Variants in SIDT1 observed in about 807,000 individuals in gnomAD.
SIDT1 encodes the protein SID1 transmembrane family member 1, also known as SID1 transmembrane family, member 1.
Under a neutral mutation model 107.5 loss-of-function variants are expected in SIDT1, and 101 were observed. That is an observed-to-expected ratio of 0.94 (90% CI 0.80 to 1.11). The LOEUF is 1.11. Among genes scored for constraint, SIDT1 ranks in the 50% least tolerant of loss-of-function variants. The pLI, the probability that SIDT1 is intolerant of heterozygous loss-of-function variation, is 0.00. For synonymous variants in SIDT1, 395 were observed against 398.2 expected, an observed-to-expected ratio of 0.99 and a Z score of 0.10; for missense variants, 1,076 against 1,058.2, an observed-to-expected ratio of 1.02 and a Z score of -0.23.
chr3:113,627,029 G>A (rs1467720114), intron 24 of SIDT1, among the ~76,000 whole-genome samples: 5 of 152,116 alleles, frequency 3.3e-5, no homozygotes, highest in East Asian at 1.9e-4. Context: ...ACTTTTGATC[G>A]TCACCTTCAT....
intron 21 of SIDT1, among the ~76,000 whole-genome samples, chr3:113,622,833 T>C (rs897395994): frequency 3.9e-5 from 6 of 152,174 alleles, no homozygotes; most frequent in African/African-American, 1.4e-4. Context: ...TGCATTCAGT[T>C]ATGGGAACTT....
In SIDT1 at chr3:113,533,153, G is replaced by A. The variant is rs1251404300; in HGVS notation, c.132G>A (p.Arg44=). The stretch of plus-strand genomic sequence containing the variant: ...GCCGCGACCCCTTCGACGCTGCCAG[G>A]GGCGCCGATTTCGATCATGTCTACA... ...APRRDPFDAA[R]GADFDHVYSG... is the part of the protein sequence containing the mutation. The change falls in exon 1 of 25, where the codon AGG becomes AGA. Residue 44 remains arginine (R), a synonymous_variant. Transcript: ENST00000264852. 1 of 1,576,840 alleles carries A rather than the reference G, an allele frequency of 6.3e-7. No individual in the cohort carries two copies.
Position 113,612,186 on chromosome 3 carries a change from T to G in SIDT1, c.1958T>G (p.Phe653Cys). 1.9e-6 allele frequency: 3 copies of G among 1,609,978 alleles called. No homozygotes were observed. Among genetic ancestry groups the G allele is most frequent in the Non-Finnish European group, 2.6e-6 (3 of 1,176,144 alleles). Reference sequence around the variant, plus strand: ...ACCCAGATATATTATATGGGTCGTTTCAAGATAGGTGAGTCACCTGTTAAT... The same window carrying G: ...ACCCAGATATATTATATGGGTCGTTGCAAGATAGGTGAGTCACCTGTTAAT... ...LSTQIYYMGRFKIDLGIFRRA... is the reference protein window; with the variant it reads ...LSTQIYYMGRCKIDLGIFRRA... The change falls in exon 19 of 25, where the codon TTC becomes TGC. Residue 653 changes from phenylalanine (F) to cysteine (C), a missense_variant. By Grantham distance (205) the Phe-to-Cys change is radical (BLOSUM62 -2). Coordinates refer to ENST00000264852, the MANE Select transcript of SIDT1 (RefSeq NM_017699.3).
intron 1 of SIDT1, among the ~76,000 whole-genome samples, chr3:113,538,018 C>T (rs996647519): frequency 7.9e-5 from 12 of 152,034 alleles, no homozygotes; most frequent in African/African-American, 2.4e-4. Flanking sequence ...CCTGGCCTCA[C>T]GTGATCCACC....
the SIDT1 span, among the ~76,000 whole-genome samples, chr3:113,636,506 C>T: frequency 2.2e-4 from 34 of 152,202 alleles, no homozygotes; most frequent in African/African-American, 7.9e-4. Flanking sequence ...ACCATGAATT[C>T]CCAGAAACTT....
intron 1 of SIDT1, among the ~76,000 whole-genome samples, chr3:113,539,293 C>T (rs1460070608): frequency 6.6e-6 from 1 of 152,088 alleles, no homozygotes; most frequent in South Asian, 2.1e-4. Context: ...AATTGTTCAT[C>T]TTTGGCCAGT....
Position 113,545,114 on chromosome 3 carries a change from T to TAAAAAA in SIDT1, c.222+11893_222+11898dup, listed in dbSNP as rs554009768. On this transcript the variant is annotated intron_variant, in intron 1 of 24. Transcript: ENST00000264852. ...CGGGCGACAGAGCGAGAGACTCTGT[T>TAAAAAA]AAAAAAAAAAAAAAAAAAAAAAAAA... 1.4e-3 allele frequency among the ~76,000 whole-genome samples: 107 copies of TAAAAAA among 73,962 alleles called. 4 individuals are homozygous for TAAAAAA. The highest frequency in any genetic ancestry group is 5.8e-3 in the African/African-American group (100 of 17,200). The allele number at this position is 73,962 out of a possible 152,430, so 48.5% of individuals were successfully genotyped here. A position where few individuals can be genotyped will look rare whatever the true frequency, so the allele number is the denominator to read the frequency against.
In SIDT1 at chr3:113,616,020, C is replaced by T. The variant is rs115317412; in HGVS notation, c.1967-80C>T. 6.5e-4 allele frequency: 598 copies of T among 918,840 alleles called. 2 individuals carry two copies. In the African/African-American group the frequency reaches 8.2e-3, roughly 13 times the overall value. 56.9% of individuals were successfully genotyped at this position (918,840 alleles called of 1,614,324 possible). A position where few individuals can be genotyped will look rare whatever the true frequency, so the allele number is the denominator to read the frequency against. ...TGAAGTGAGGATGACATCATTCTGG[C>T]TCCAAAACCTTGGGCCACTTCAGAG... On this transcript the variant is annotated intron_variant, in intron 19 of 24. Coordinates refer to ENST00000264852, the MANE Select transcript of SIDT1 (RefSeq NM_017699.3).
At chr3:113,587,623 G>A (rs1943838534) in intron 9 of SIDT1, among the ~76,000 whole-genome samples, 1 of 152,190 alleles carries the variant, frequency 6.6e-6, no homozygotes, top group African/African-American at 2.4e-5. Flanking sequence ...GGTTCCATTT[G>A]CCTTTCATGG....
At chr3:113,561,769 G>T (rs1941450867) in intron 1 of SIDT1, among the ~76,000 whole-genome samples, 1 of 152,134 alleles carries the variant, frequency 6.6e-6, no homozygotes, top group Non-Finnish European at 1.5e-5. Context: ...TGAGGGATTT[G>T]CTTTGCTAAA....
intron 10 of SIDT1, 178 bp from the exon 11 acceptor site, chr3:113,601,410 G>A (rs1445538259): frequency 7.9e-6 from 4 of 504,460 alleles, no homozygotes; most frequent in Admixed American, 3.7e-5. Context: ...GAGCCATACA[G>A]AAACAGGTGG....
intron 16 of SIDT1, 43 bp downstream of exon 16, chr3:113,608,260 A>T (rs1945482822): frequency 5.1e-6 from 8 of 1,558,596 alleles, no homozygotes; most frequent in Non-Finnish European, 7.0e-6. Context: ...TTATGGATCC[A>T]AACAGGATCT....
At chr3:113,597,495 CAAAAAAA>C (rs60934363) in intron 10 of SIDT1, among the ~76,000 whole-genome samples, 2 of 109,532 alleles carry the variant, frequency 1.8e-5, no homozygotes, top group African/African-American at 7.4e-5. Flanking sequence ...GACTCCATCT[CAAAAAAA>C]AAAAAAAAAA....
chr3:113,544,933 G>T (rs946346617), intron 1 of SIDT1, among the ~76,000 whole-genome samples: 2 of 151,872 alleles, frequency 1.3e-5, no homozygotes, highest in African/African-American at 4.8e-5. Context: ...TGACCAACAT[G>T]GCAAAACCCC....
chr3:113,608,189 C>A lies in SIDT1; in HGVS notation c.1574C>A (p.Ala525Asp), dbSNP rs762116008. The A allele has an allele frequency of 1.2e-6, 2 of 1,604,248 alleles. No individual in the cohort carries two copies. The highest frequency in any genetic ancestry group is 1.7e-4 in the Middle Eastern group (1 of 6,024). The stretch of plus-strand genomic sequence containing the variant: ...CGCCGCGACATCCTCCATCGGAGAG[C>A]CCTGGAAGCCAAGGACATCTTTGCT... ...VLRRDILHRR[A>D]LEAKDIFAVE... Residue 525 changes from alanine (A) to aspartate (D), a missense_variant, in exon 16 of 25, where the codon GCC becomes GAC. Coordinates refer to ENST00000264852, the MANE Select transcript of SIDT1 (RefSeq NM_017699.3).
At chr3:113,634,858 C>T in the SIDT1 span, among the ~76,000 whole-genome samples, 1 of 152,140 alleles carries the variant, frequency 6.6e-6, no homozygotes, top group Admixed American at 6.6e-5. Context: ...ATACGGAAGA[C>T]ATATGCCTGA....
chr3:113,597,220 G>A (rs1944623990), intron 10 of SIDT1, among the ~76,000 whole-genome samples: 1 of 152,098 alleles, frequency 6.6e-6, no homozygotes, highest in Non-Finnish European at 1.5e-5. Context: ...ATTTTGGCTG[G>A]GCACGATGGC....
intron 10 of SIDT1, among the ~76,000 whole-genome samples, chr3:113,597,763 C>T (rs1440628234): frequency 1.3e-5 from 2 of 152,184 alleles, no homozygotes; most frequent in Admixed American, 6.5e-5. Context: ...CTCAGAGAAA[C>T]ACATATCAAA....
At chr3:113,622,145 A>T (rs1946498042) in intron 21 of SIDT1, among the ~76,000 whole-genome samples, 1 of 152,120 alleles carries the variant, frequency 6.6e-6, no homozygotes, top group Admixed American at 6.5e-5. Context: ...ATTTTAAAAA[A>T]TATATATGTG....
Sources: gnomAD v4.1 joint callset for allele counts (sites outside exome capture counted in the v4.1 genomes callset) on GRCh38, gnomAD v4.1.1 for gene constraint, MANE v1.5 for transcripts, NCBI Gene and HGNC (gene_info 2026-07-23, HGNC 2026-07-21) for gene names.